DPY19L2: variants seen among roughly 807,000 people sequenced by gnomAD.
The protein encoded by DPY19L2 is probable C-mannosyltransferase DPY19L2.
In DPY19L2, 34 loss-of-function variants were observed where a neutral mutation model predicts 97.9. The ratio of observed to expected loss-of-function variants is 0.35; its 90% CI spans 0.26 to 0.46. The LOEUF (loss-of-function observed/expected upper bound fraction) is 0.46, where lower values mean the gene tolerates loss of function less well. DPY19L2 is among the 20% of genes least tolerant of loss of function. The pLI is 1.00. For missense variants in DPY19L2, 623 were observed against 911.4 expected, an observed-to-expected ratio of 0.68 and a Z score of 4.07; for synonymous variants, 230 against 307.9, an observed-to-expected ratio of 0.75 and a Z score of 2.65.
intron 21 of DPY19L2, among the ~76,000 whole-genome samples, chr12:63,563,366 T>C (rs1877011683): frequency 6.6e-6 from 1 of 152,200 alleles, no homozygotes; most frequent in Non-Finnish European, 1.5e-5. Context: ...ACAATAATTT[T>C]CTTCCATATT....
At chr12:63,633,980 G>A (rs6581496) in intron 6 of DPY19L2, among the ~76,000 whole-genome samples, 63,053 of 151,262 alleles carry the variant, frequency 0.42, 13,001 homozygotes, top group South Asian at 0.47. Flanking sequence ...ACCAAACACC[G>A]CATGTTCTCA....
At chr12:63,561,718 C>G (rs945715343) in intron 21 of DPY19L2, among the ~76,000 whole-genome samples, 6 of 150,914 alleles carry the variant, frequency 4.0e-5, no homozygotes, top group African/African-American at 1.5e-4. Context: ...TTTTGGTGAC[C>G]ATGAACAATG....
At chr12:63,566,457 C>G (rs1301408222) in intron 21 of DPY19L2, among the ~76,000 whole-genome samples, 2 of 148,012 alleles carry the variant, frequency 1.4e-5, no homozygotes, top group Admixed American at 1.3e-4. Flanking sequence ...CCCCCACATT[C>G]CCACCCCACC....
At chr12:63,586,001 C>T (rs1408629561) in intron 16 of DPY19L2, among the ~76,000 whole-genome samples, 3 of 152,098 alleles carry the variant, frequency 2.0e-5, no homozygotes, top group Non-Finnish European at 4.4e-5. Context: ...TGATGATATT[C>T]TCTGAGAACA....
Position 63,600,376 on chromosome 12 carries a change from C to A in DPY19L2, c.1289G>T (p.Gly430Val), listed in dbSNP as rs1463930231. ...VSKLNFWLIQ[G>V]SAWWCGTIIL... ...GATTGTTCCACACCACCAGGCACTA[C>A]CTTGAATTAGCTAGAAAATAAAATA... The change falls in exon 13 of 22, where the codon GGT becomes GTT. Residue 430 changes from glycine (G) to valine (V), a missense_variant. This residue lies in a region of DPY19L2 where 294 missense variants were observed against 446.2 expected (regional missense o/e 0.66). Transcript: ENST00000324472. 1 of 1,592,696 alleles carries A rather than the reference C, an allele frequency of 6.3e-7. No homozygotes were observed. Among genetic ancestry groups the A allele is most frequent in the Admixed American group, 1.7e-5 (1 of 59,696 alleles).
intron 21 of DPY19L2, among the ~76,000 whole-genome samples, chr12:63,564,214 T>A (rs1241427709): frequency 1.3e-5 from 2 of 152,160 alleles, no homozygotes; most frequent in Non-Finnish European, 2.9e-5. Context: ...TTTCCCTGTT[T>A]TAGGAGGAAA....
chr12:63,572,779 C>A (rs1479569125), intron 19 of DPY19L2, among the ~76,000 whole-genome samples: 2 of 152,006 alleles, frequency 1.3e-5, no homozygotes, highest in African/African-American at 2.4e-5. Flanking sequence ...GGGAAGAGAA[C>A]AAGAGCTTCT....
chr12:63,658,348 A>G (rs1895233780), intron 4 of DPY19L2, among the ~76,000 whole-genome samples: 1 of 152,010 alleles, frequency 6.6e-6, no homozygotes, highest in Non-Finnish European at 1.5e-5. Context: ...TATAAAAATT[A>G]GCCAGGCGTG....
At chr12:63,646,354 C>G (rs1893408274) in intron 5 of DPY19L2, among the ~76,000 whole-genome samples, 1 of 152,078 alleles carries the variant, frequency 6.6e-6, no homozygotes, top group African/African-American at 2.4e-5. Context: ...TTTTATGAGG[C>G]ATTTTCTCCA....
At chr12:63,664,896 T>A (rs913286464) in intron 2 of DPY19L2, among the ~76,000 whole-genome samples, 8 of 152,160 alleles carry the variant, frequency 5.3e-5, no homozygotes, top group African/African-American at 1.7e-4. Context: ...CATCAAAATC[T>A]CCCTGCAGAC....
At chr12:63,621,380 T>C in intron 8 of DPY19L2, 43 bp from the exon 9 acceptor site, 1 of 837,202 alleles carries the variant, frequency 1.2e-6, no homozygotes, top group Non-Finnish European at 1.9e-6. Flanking sequence ...ACCCTAAAAA[T>C]GGGCTGTCAC....
chr12:63,589,394 T>TAAAAAAAAAAAAAAAAAAAAAAAAAAA (rs1882478786), intron 16 of DPY19L2, among the ~76,000 whole-genome samples: 7 of 43,676 alleles, frequency 1.6e-4, no homozygotes, highest in Admixed American at 2.8e-4. Context: ...AAAAAAAAAG[T>TAAAAAAAAAAAAAAAAAAAAAAAAAAA]AAAGCAGCTT....
Position 63,624,125 on chromosome 12 carries a change from G to A in DPY19L2, c.868C>T (p.Arg290Cys), listed in dbSNP as rs1489812158. ...CFFFNHGEATRVMWTPPLRES... is the reference protein window; with the variant it reads ...CFFFNHGEATCVMWTPPLRES... ...CGGAGAGGTGGTGTCCACATCACAC[G>A]GGTGGCCTGAAATCAACAAAATGCC... The change falls in exon 8 of 22, where the codon CGT (arginine) becomes TGT (cysteine). Residue 290 changes from arginine to cysteine, a missense_variant. Physicochemically the swap from Arg to Cys is radical, Grantham distance 180 (BLOSUM62 -3). Coordinates refer to ENST00000324472, the MANE Select transcript of DPY19L2 (RefSeq NM_173812.5). 40 of 1,610,598 alleles carry A rather than the reference G, an allele frequency of 2.5e-5. No individual in the cohort carries two copies. The highest frequency in any genetic ancestry group is 3.0e-5 in the Non-Finnish European group (35 of 1,178,906).
chr12:63,586,283 T>C (rs1881786109), intron 16 of DPY19L2, among the ~76,000 whole-genome samples: 1 of 152,188 alleles, frequency 6.6e-6, no homozygotes, highest in South Asian at 2.1e-4. Context: ...AAGCCATTTT[T>C]TCAGGTAAGA....
chr12:63,668,485 C>T lies in DPY19L2; in HGVS notation c.-92G>A. The stretch of plus-strand genomic sequence containing the variant: ...AGAGACCTGACTCGCCTGGCAGCCT[C>T]AACGGACTTGTCCCCGCAGCCGTTG... On this transcript the variant is annotated 5_prime_UTR_variant, in exon 1 of 22. Coordinates refer to ENST00000324472, the MANE Select transcript of DPY19L2 (RefSeq NM_173812.5). 7.6e-7 allele frequency: 1 copy of T among 1,309,266 alleles called. No individual in the cohort carries two copies. Among genetic ancestry groups the T allele is most frequent in the Non-Finnish European group, 1.0e-6 (1 of 980,430 alleles). 81.1% of individuals were successfully genotyped at this position (1,309,266 alleles called of 1,614,324 possible). A position where few individuals can be genotyped will look rare whatever the true frequency, so the allele number is the denominator to read the frequency against.
chr12:63,623,472 TC>T (rs1889030194), intron 8 of DPY19L2, among the ~76,000 whole-genome samples: 1 of 152,084 alleles, frequency 6.6e-6, no homozygotes, highest in Non-Finnish European at 1.5e-5. Context: ...TAATTGTTTC[TC>T]AAAAACTTTT....
intron 2 of DPY19L2, among the ~76,000 whole-genome samples, chr12:63,664,600 C>A (rs1277348913): frequency 6.9e-6 from 1 of 144,106 alleles, no homozygotes; most frequent in Non-Finnish European, 1.6e-5. Context: ...AAAGGATAAA[C>A]TTTCAAGTGC....
intron 4 of DPY19L2, among the ~76,000 whole-genome samples, chr12:63,655,978 G>A (rs1026168783): frequency 6.6e-6 from 1 of 152,170 alleles, no homozygotes; most frequent in Non-Finnish European, 1.5e-5. Flanking sequence ...CATGACCCAT[G>A]TAATTAAATG....
intron 15 of DPY19L2, among the ~76,000 whole-genome samples, chr12:63,594,464 A>AGAGTGTGTGTGTGTGTGTGTGTGTGTGT (rs1555189197): frequency 1.6e-5 from 2 of 125,022 alleles, no homozygotes; most frequent in South Asian, 2.6e-4. Flanking sequence ...AGAGAGAGAT[A>AGAGTGTGTGTGTGTGTGTGTGTGTGTGT]GTGTGTGTGT....
Sources: allele counts gnomAD v4.1 joint callset (sites outside exome capture counted in the v4.1 genomes callset), GRCh38; gene constraint gnomAD v4.1.1; regional missense constraint gnomAD v4.1.1; transcripts MANE v1.5; gene names NCBI Gene and HGNC (gene_info 2026-07-23, HGNC 2026-07-21).